Variants in ZSCAN2 observed in about 807,000 individuals in gnomAD.
ZSCAN2 encodes zinc finger and SCAN domain containing 2, also known as zinc finger and SCAN domain-containing protein 2.
Under a neutral mutation model 47.8 loss-of-function variants are expected in ZSCAN2, and 26 were observed. The observed-to-expected ratio is 0.54, with a 90% confidence interval of 0.40 to 0.75. The LOEUF is 0.75. Ranked by LOEUF, ZSCAN2 falls within the 30% of genes least tolerant of loss-of-function variation. ZSCAN2 has a pLI of 0.00. For missense variants in ZSCAN2, 732 were observed against 785.4 expected (o/e 0.93, Z 0.81); for synonymous variants, 305 against 288.7 (o/e 1.06, Z -0.57).
At position 84,621,680 on chromosome 15, in the gene ZSCAN2, C is replaced by T; in HGVS notation, c.1485C>T (p.Ile495=). Residue 495 remains isoleucine (I), a synonymous_variant, in exon 3 of 3, where the codon ATC becomes ATT. Coordinates refer to ENST00000546148, the MANE Select transcript of ZSCAN2 (RefSeq NM_181877.4). The surrounding 1 kb of genome is among the most constrained non-coding windows in gnomAD (Gnocchi z 5.7). ...WSSNLLKHQR[I]HTGEKPYKCS... The stretch of plus-strand genomic sequence containing the variant: ...CCAACCTCCTCAAGCACCAGAGGAT[C>T]CACACGGGAGAGAAACCCTACAAAT... The T allele has an allele frequency of 6.2e-7, 1 of 1,614,186 alleles. No homozygotes were observed. The highest frequency in any genetic ancestry group is 8.5e-7 in the Non-Finnish European group (1 of 1,180,034).
rs1769615747 is a variant in ZSCAN2, at chr15:84,622,444, G to A, written c.*404G>A. On this transcript the variant is annotated 3_prime_UTR_variant, in exon 3 of 3. Transcript: ENST00000546148. ...TACTGGAAATCATTGGTGTGGTTCT[G>A]GTTGTTTTGTTGTTTTGCTGCCACG... 4 of 615,966 alleles carry A rather than the reference G, an allele frequency of 6.5e-6. No homozygotes were observed. In the South Asian group the frequency reaches 8.0e-5, roughly 12 times the overall value. 38.2% of individuals were successfully genotyped at this position (615,966 alleles called of 1,614,324 possible).
Position 84,601,033 on chromosome 15 carries a change from C to G in ZSCAN2, c.-211C>G, listed in dbSNP as rs1002345250. ...CCTCTCCCGTCCATTGTTCTCGGTG[C>G]CCCACGGGCTTGAGCCGGGGTGAAT... On this transcript the variant is annotated 5_prime_UTR_variant, in exon 1 of 3. Transcript: ENST00000546148. 1 of 152,358 alleles carries G rather than the reference C, an allele frequency of 6.6e-6. No homozygotes were observed. Among genetic ancestry groups the G allele is most frequent in the Non-Finnish European group, 1.5e-5 (1 of 68,148 alleles). The allele number at this position is 152,358 out of a possible 1,614,324, so 9.4% of individuals were successfully genotyped here.
chr15:84,610,918 G>A (rs1414944543), intron 2 of ZSCAN2, among the ~76,000 whole-genome samples: 3 of 152,198 alleles, frequency 2.0e-5, no homozygotes, highest in African/African-American at 7.2e-5. Flanking sequence ...AAGAGCCTCT[G>A]CAAATTCATA....
chr15:84,602,966 C>G (rs1316791384), intron 1 of ZSCAN2, among the ~76,000 whole-genome samples: 1 of 151,906 alleles, frequency 6.6e-6, no homozygotes, highest in African/African-American at 2.4e-5. Context: ...TTTAAGGACT[C>G]GATTTTTTGG....
At chr15:84,617,297 G>T (rs142027933) in intron 2 of ZSCAN2, among the ~76,000 whole-genome samples, 1 of 151,770 alleles carries the variant, frequency 6.6e-6, no homozygotes, top group East Asian at 2.0e-4. Context: ...TTAGCCAGGC[G>T]TGTTGGCGTG....
intron 2 of ZSCAN2, among the ~76,000 whole-genome samples, chr15:84,608,785 G>T (rs944446082): frequency 3.3e-5 from 5 of 152,190 alleles, no homozygotes; most frequent in African/African-American, 1.2e-4. Context: ...GCTGCAAAGT[G>T]TAAAGAGCAC....
At position 84,601,757 on chromosome 15, in the gene ZSCAN2, G is replaced by A. The variant is rs530700753; in HGVS notation, c.-109+622G>A. Among the ~76,000 whole-genome samples the A allele has an allele frequency of 7.9e-5, 12 of 152,078 alleles. No individual in the cohort carries two copies. In the South Asian group the frequency reaches 1.7e-3, roughly 21 times the overall value. On this transcript the variant is annotated intron_variant, in intron 1 of 2. Coordinates refer to ENST00000546148, the MANE Select transcript of ZSCAN2 (RefSeq NM_181877.4). ...GACTGGGTCTCACTCTGTTGCCCAG[G>A]TTGGTCATGAACTCCCGGCCTCAAG...
At chr15:84,608,878 C>T (rs1424631476) in intron 2 of ZSCAN2, among the ~76,000 whole-genome samples, 2 of 152,204 alleles carry the variant, frequency 1.3e-5, no homozygotes, top group African/African-American at 4.8e-5. Context: ...CTAGGACTGT[C>T]AGTCTCACCA....
intron 2 of ZSCAN2, among the ~76,000 whole-genome samples, chr15:84,618,875 T>C (rs1340284494): frequency 3.9e-5 from 6 of 152,078 alleles, no homozygotes; most frequent in Non-Finnish European, 8.8e-5. Context: ...CAGTCATTAA[T>C]TTCTAATGAC....
At chr15:84,603,058 T>C (rs903460024) in intron 1 of ZSCAN2, among the ~76,000 whole-genome samples, 3 of 152,232 alleles carry the variant, frequency 2.0e-5, no homozygotes, top group Non-Finnish European at 2.9e-5. Context: ...ACTTAAAGTA[T>C]GGTAATAATG....
intron 2 of ZSCAN2, among the ~76,000 whole-genome samples, chr15:84,613,922 C>T (rs181269789): frequency 5.6e-4 from 85 of 151,102 alleles, no homozygotes; most frequent in Non-Finnish European, 5.6e-4. Flanking sequence ...GCTTGCGATC[C>T]GCCCACCTCT....
At chr15:84,603,790 T>A in intron 1 of ZSCAN2, 30 bp from the exon 2 acceptor site, 1 of 1,047,850 alleles carries the variant, frequency 9.5e-7, no homozygotes, top group Non-Finnish European at 1.4e-6. Context: ...AGTCTACCTA[T>A]GGATTATGGT....
chr15:84,609,159 CATTT>C lies in ZSCAN2; in HGVS notation c.406+4827_406+4830del, dbSNP rs545846460. Among the ~76,000 whole-genome samples the C allele has an allele frequency of 3.9e-3, 588 of 152,318 alleles. 5 individuals carry two copies. Among genetic ancestry groups the C allele is most frequent in the African/African-American group, 0.013 (554 of 41,568 alleles). On this transcript the variant is annotated intron_variant, in intron 2 of 2. Transcript: ENST00000546148. ...ATGACCACAAATGAACACATACATT[CATTT>C]GTCTCAGCCAGAAAGGGAGTGGAGA...
rs941806988 is a variant in ZSCAN2 at position 84,621,626 on chromosome 15, G to C, written c.1431G>C (p.Leu477=). 1.9e-6 allele frequency: 3 copies of C among 1,613,372 alleles called. No individual in the cohort carries two copies. In the African/African-American group the frequency reaches 4.0e-5, roughly 22 times the overall value. The change falls in exon 3 of 3, where the codon CTG becomes CTC. Residue 477 remains leucine, a synonymous_variant. Transcript: ENST00000546148. This position sits in a 1 kb window ranked among gnomAD's most constrained non-coding sequence, Gnocchi z 5.7. ...MHTGEKPYEC[L]TCGESFSWSS... The stretch of plus-strand genomic sequence containing the variant: ...CAGGGGAGAAACCCTACGAGTGCCT[G>C]ACATGTGGGGAGAGCTTCAGCTGGA...
At chr15:84,608,358 T>C (rs7181779) in intron 2 of ZSCAN2, among the ~76,000 whole-genome samples, 130,830 of 151,728 alleles carry the variant, frequency 0.86, 56,547 homozygotes, top group East Asian at 0.93. Flanking sequence ...AGTGAAACCC[T>C]GTCTCTGCTA....
In ZSCAN2 at chr15:84,623,379, A is replaced by C. The variant is rs1336495463; in HGVS notation, c.*1339A>C. ...AGTGCTGGGATTACAGGCGTGAGCC[A>C]GCGCACCCGGCCAAGAACATTATTT... On this transcript the variant is annotated 3_prime_UTR_variant, in exon 3 of 3. Coordinates refer to ENST00000546148, the MANE Select transcript of ZSCAN2 (RefSeq NM_181877.4). 3 of 196,092 alleles carry C rather than the reference A, an allele frequency of 1.5e-5. No homozygotes were observed. The highest frequency in any genetic ancestry group is 7.2e-5 in the African/African-American group (3 of 41,820). 12.1% of individuals were successfully genotyped at this position (196,092 alleles called of 1,614,324 possible).
chr15:84,602,641 T>G (rs374237481), intron 1 of ZSCAN2, among the ~76,000 whole-genome samples: 2 of 146,542 alleles, frequency 1.4e-5, no homozygotes, highest in East Asian at 2.0e-4. Context: ...CAGACTGGAG[T>G]GCAGTGGCAC....
At chr15:84,619,140 A>T (rs1446305493) in intron 2 of ZSCAN2, among the ~76,000 whole-genome samples, 3 of 152,076 alleles carry the variant, frequency 2.0e-5, no homozygotes, top group Non-Finnish European at 2.9e-5. Flanking sequence ...CCAATTAAAG[A>T]TCTATTCATG....
intron 2 of ZSCAN2, among the ~76,000 whole-genome samples, chr15:84,609,458 G>A (rs1341131737): frequency 2.6e-5 from 4 of 152,004 alleles, no homozygotes; most frequent in South Asian, 2.1e-4. Flanking sequence ...AAAGCACTGC[G>A]ATAACAGGAA....
Sources: gnomAD v4.1 joint callset for allele counts (sites outside exome capture counted in the v4.1 genomes callset) on GRCh38, gnomAD v4.1.1 for gene constraint, Gnocchi (gnomAD v3.1) non-coding constraint, MANE v1.5 for transcripts, NCBI Gene and HGNC (gene_info 2026-07-23, HGNC 2026-07-21) for gene names.